ST7: variants seen among roughly 807,000 people sequenced by gnomAD.
The protein encoded by ST7 is suppression of tumorigenicity 7, also known as suppressor of tumorigenicity 7 protein.
Under a neutral mutation model 78.7 loss-of-function variants are expected in ST7, and 28 were observed. The observed-to-expected ratio is 0.36, with a 90% confidence interval of 0.26 to 0.49. The LOEUF (loss-of-function observed/expected upper bound fraction) is 0.49. Ranked by LOEUF, ST7 falls within the 20% of genes least tolerant of loss-of-function variation. ST7 has a pLI of 0.99. For synonymous variants in ST7, 247 were observed against 249.6 expected (o/e 0.99, Z 0.10); for missense variants, 418 against 696.0 (o/e 0.60, Z 4.49).
At chr7:117,177,240 G>T (rs1473014727) in intron 10 of ST7, among the ~76,000 whole-genome samples, 1 of 152,170 alleles carries the variant, frequency 6.6e-6, no homozygotes, top group Non-Finnish European at 1.5e-5. Flanking sequence ...ACTATATATT[G>T]CATTGAGCAA....
At chr7:117,120,678 T>G (rs1419788317) in intron 3 of ST7, among the ~76,000 whole-genome samples, 2 of 152,246 alleles carry the variant, frequency 1.3e-5, no homozygotes, top group African/African-American at 4.8e-5. Context: ...TCTCTGATAG[T>G]CTGTACACTA....
intron 2 of ST7, among the ~76,000 whole-genome samples, chr7:117,105,386 A>G (rs1801874294): frequency 6.6e-6 from 1 of 152,128 alleles, no homozygotes; most frequent in African/African-American, 2.4e-5. Flanking sequence ...GGCTCAGGCA[A>G]TCCTTTGTCT....
Position 117,222,921 on chromosome 7 carries a change from C to A in ST7, c.1638+859C>A, listed in dbSNP as rs376141534. On this transcript the variant is annotated intron_variant, in intron 15 of 15. Coordinates refer to ENST00000323984, the MANE Select transcript of ST7 (RefSeq NM_001369598.1). The stretch of plus-strand genomic sequence containing the variant: ...CTGGAATTGCAAGAGTATTTTCATG[C>A]GTGTTGAAGATGAACTGGAAATCCC... 20 of 1,613,942 alleles carry A rather than the reference C, an allele frequency of 1.2e-5. No individual in the cohort carries two copies. In the African/African-American group the frequency reaches 1.9e-4, roughly 15 times the overall value.
intron 9 of ST7, among the ~76,000 whole-genome samples, chr7:117,149,964 A>T (rs961330816): frequency 6.6e-6 from 1 of 152,124 alleles, no homozygotes. Flanking sequence ...CATTTCCTCC[A>T]TGGAAAGATC....
chr7:116,959,002 T>C (rs1792681552), intron 1 of ST7: 1 of 353,986 alleles, frequency 2.8e-6, no homozygotes, highest in South Asian at 2.2e-5. Flanking sequence ...GGTTTTCCTT[T>C]CCAGAGAAAG....
At chr7:117,152,737 A>G (rs1806390977) in intron 9 of ST7, among the ~76,000 whole-genome samples, 1 of 152,156 alleles carries the variant, frequency 6.6e-6, no homozygotes, top group Admixed American at 6.5e-5. Flanking sequence ...AAGTGGATCC[A>G]GAGTTTATGC....
At chr7:117,181,206 T>C (rs1223158001) in intron 10 of ST7, among the ~76,000 whole-genome samples, 1 of 152,150 alleles carries the variant, frequency 6.6e-6, no homozygotes, top group Non-Finnish European at 1.5e-5. Context: ...GCTAAATAAG[T>C]ACGTACAAGT....
chr7:117,132,538 C>T (rs1172458459), intron 6 of ST7, among the ~76,000 whole-genome samples: 1 of 151,698 alleles, frequency 6.6e-6, no homozygotes, highest in African/African-American at 2.4e-5. Context: ...TCAGGGTTGG[C>T]AGAGACCTTA....
chr7:117,120,354 T>C (rs962148882), intron 3 of ST7, among the ~76,000 whole-genome samples: 1 of 152,214 alleles, frequency 6.6e-6, no homozygotes, highest in Admixed American at 6.5e-5. Context: ...TCTTCTATGA[T>C]AATTGCAGAA....
intron 9 of ST7, among the ~76,000 whole-genome samples, chr7:117,140,961 T>C (rs1342733309): frequency 6.6e-6 from 1 of 152,212 alleles, no homozygotes; most frequent in Non-Finnish European, 1.5e-5. Flanking sequence ...AAGCTGTGGC[T>C]GTTCCCAGCC....
chr7:116,964,809 C>T (rs1420232136), intron 1 of ST7, among the ~76,000 whole-genome samples: 3 of 152,122 alleles, frequency 2.0e-5, no homozygotes, highest in African/African-American at 4.8e-5. Flanking sequence ...ATCGTTCTTT[C>T]CCCAAACTGG....
intron 1 of ST7, chr7:116,968,490 C>T (rs911440169): frequency 1.6e-5 from 7 of 436,306 alleles, no homozygotes; most frequent in East Asian, 7.1e-5. Flanking sequence ...TACGGGTGTG[C>T]GCCACCATGC....
chr7:117,194,211 C>CT (rs1398870514), intron 12 of ST7, among the ~76,000 whole-genome samples: 2 of 152,174 alleles, frequency 1.3e-5, no homozygotes, highest in African/African-American at 4.8e-5. Context: ...AATTGTCACT[C>CT]CCTCCTGAGA....
intron 1 of ST7, among the ~76,000 whole-genome samples, chr7:117,020,945 G>T (rs1244601195): frequency 6.6e-6 from 1 of 152,144 alleles, no homozygotes; most frequent in Non-Finnish European, 1.5e-5. Context: ...CTCCGTAATG[G>T]TGCTTAAACC....
chr7:117,020,715 C>T, intron 1 of ST7: 1 of 1,525,914 alleles, frequency 6.6e-7, no homozygotes. Flanking sequence ...ATCACTTTGC[C>T]TTAGGTCATT....
chr7:116,957,929 A>G (rs995544458), intron 1 of ST7, among the ~76,000 whole-genome samples: 4 of 152,218 alleles, frequency 2.6e-5, no homozygotes, highest in African/African-American at 9.6e-5. Flanking sequence ...AGATCTTTGA[A>G]ATCCGTTTTC....
At chr7:116,983,268 A>G (rs1365734896) in intron 1 of ST7, among the ~76,000 whole-genome samples, 1 of 151,914 alleles carries the variant, frequency 6.6e-6, no homozygotes, top group Non-Finnish European at 1.5e-5. Context: ...GATATCGCAG[A>G]TCCTCATCTA....
intron 1 of ST7, among the ~76,000 whole-genome samples, chr7:116,962,629 G>C (rs1792888545): frequency 6.6e-6 from 1 of 152,036 alleles, no homozygotes. Context: ...TTTTTAATGG[G>C]GCTGTTTGAT....
At position 117,189,314 on chromosome 7, in the gene ST7, C is replaced by G; in HGVS notation, c.1079-7C>G. 1 of 1,597,584 alleles carries G rather than the reference C, an allele frequency of 6.3e-7. No individual in the cohort carries two copies. Among genetic ancestry groups the G allele is most frequent in the Non-Finnish European group, 8.5e-7 (1 of 1,170,138 alleles). On this transcript the variant is annotated splice_polypyrimidine_tract_variant and splice_region_variant and intron_variant, in intron 10 of 15. Coordinates refer to ENST00000323984, the MANE Select transcript of ST7 (RefSeq NM_001369598.1). ...TTATGTGTTCCTACTTTCTTTTTCT[C>G]CAACAGATATAAGCTTACCAAAGTC...
Sources: allele counts gnomAD v4.1 joint callset (sites outside exome capture counted in the v4.1 genomes callset), GRCh38; gene constraint gnomAD v4.1.1; transcripts MANE v1.5; gene names NCBI Gene and HGNC (gene_info 2026-07-23, HGNC 2026-07-21).